Variants in RPS6KA5 observed in about 807,000 individuals in gnomAD.
The protein encoded by RPS6KA5 is ribosomal protein S6 kinase A5, also known as ribosomal protein S6 kinase alpha-5.
A neutral mutation model predicts 85.5 loss-of-function variants in RPS6KA5; 27 were observed. The observed-to-expected ratio is 0.32, with a 90% CI of 0.23 to 0.44. RPS6KA5 has a LOEUF of 0.44. Among genes scored for constraint, RPS6KA5 ranks in the 20% least tolerant of loss-of-function variants. The pLI is 1.00. For missense variants in RPS6KA5, 811 were observed against 980.9 expected (o/e 0.83, Z 2.31); for synonymous variants, 334 against 348.2 (o/e 0.96, Z 0.46).
intron 2 of RPS6KA5, among the ~76,000 whole-genome samples, chr14:90,987,966 A>C (rs1350986065): frequency 6.6e-6 from 1 of 152,192 alleles, no homozygotes; most frequent in Non-Finnish European, 1.5e-5. Context: ...GTGTGTGTAT[A>C]ACATATACAT....
intron 7 of RPS6KA5, among the ~76,000 whole-genome samples, chr14:90,907,786 C>T (rs8012622): frequency 9.9e-5 from 15 of 152,084 alleles, no homozygotes; most frequent in East Asian, 3.9e-4. Context: ...TCTGGATTTT[C>T]GGCATTAATA....
intron 1 of RPS6KA5, among the ~76,000 whole-genome samples, chr14:91,013,526 A>G (rs1352370500): frequency 6.7e-6 from 1 of 149,494 alleles, no homozygotes; most frequent in East Asian, 2.0e-4. Context: ...AACAGAGAAC[A>G]TGGCATATCT....
chr14:91,035,141 A>C (rs2042346870), intron 1 of RPS6KA5, among the ~76,000 whole-genome samples: 1 of 152,082 alleles, frequency 6.6e-6, no homozygotes, highest in Non-Finnish European at 1.5e-5. Flanking sequence ...TTAAAAGTAC[A>C]CAGAAACTTC....
At chr14:90,937,951 T>C (rs913929685) in intron 5 of RPS6KA5, among the ~76,000 whole-genome samples, 8 of 152,250 alleles carry the variant, frequency 5.3e-5, no homozygotes, top group African/African-American at 1.9e-4. Context: ...TGCCTTCCCA[T>C]CAGTCCCACA....
chr14:90,914,301 T>A (rs1210001717), intron 7 of RPS6KA5, among the ~76,000 whole-genome samples: 1 of 130,248 alleles, frequency 7.7e-6, no homozygotes, highest in Admixed American at 8.6e-5. Flanking sequence ...GGAAGAATGA[T>A]CCCTAGGGTT....
At chr14:91,034,541 G>C (rs148167394) in intron 1 of RPS6KA5, among the ~76,000 whole-genome samples, 1 of 152,012 alleles carries the variant, frequency 6.6e-6, no homozygotes, top group African/African-American at 2.4e-5. Context: ...GATTGTAAAC[G>C]CACCAATCAG....
intron 3 of RPS6KA5, among the ~76,000 whole-genome samples, chr14:90,976,136 T>C (rs1467944767): frequency 6.7e-6 from 1 of 149,510 alleles, no homozygotes; most frequent in African/African-American, 2.5e-5. Context: ...AAATTTAACA[T>C]GTTTTATAAA....
intron 7 of RPS6KA5, among the ~76,000 whole-genome samples, chr14:90,919,723 T>C (rs1009408188): frequency 6.6e-6 from 1 of 152,222 alleles, no homozygotes; most frequent in Non-Finnish European, 1.5e-5. Flanking sequence ...CTGTGATAGC[T>C]GCTCTGAAAG....
rs2031917562 is a variant in RPS6KA5, at chr14:90,850,106, GAAGGGATCTGTGGGCTTTCTAC to G, written c.*21946_*21967del. ...CTCTGGCACTTTTTTTCTAGTCTGG[GAAGGGATCTGTGGGCTTTCTAC>G]AAGGGAGCAAACAACCTCAATTCTT... On this transcript the variant is annotated 3_prime_UTR_variant, in exon 17 of 17. Coordinates refer to ENST00000614987, the MANE Select transcript of RPS6KA5 (RefSeq NM_004755.4). The G allele has an allele frequency of 6.6e-6, 1 of 152,212 alleles. No homozygotes were observed. The highest frequency in any genetic ancestry group is 1.5e-5 in the Non-Finnish European group (1 of 68,048). The allele number at this position is 152,212 out of a possible 1,614,324, so 9.4% of individuals were successfully genotyped here.
At position 90,863,311 on chromosome 14, in the gene RPS6KA5, A is replaced by C. The variant is rs930698496; in HGVS notation, c.*8763T>G. On this transcript the variant is annotated 3_prime_UTR_variant, in exon 17 of 17. Transcript: ENST00000614987. The stretch of plus-strand genomic sequence containing the variant: ...GAGCGAGACTCCGTCTCAAAAAAAA[A>C]AAAAAAAAAAAAAAAAAAAGAAAAG... 6.8e-6 allele frequency: 1 copy of C among 146,480 alleles called. No individual in the cohort carries two copies. The highest frequency in any genetic ancestry group is 2.5e-5 in the African/African-American group (1 of 40,628). 9.1% of individuals were successfully genotyped at this position (146,480 alleles called of 1,614,324 possible).
chr14:91,039,951 C>T (rs540559265), intron 1 of RPS6KA5, among the ~76,000 whole-genome samples: 58 of 152,204 alleles, frequency 3.8e-4, no homozygotes, highest in African/African-American at 1.4e-3. Context: ...ATGGTAATGG[C>T]AATGATGAGC....
chr14:90,967,536 G>A (rs2039129575), intron 3 of RPS6KA5, among the ~76,000 whole-genome samples: 2 of 152,112 alleles, frequency 1.3e-5, no homozygotes, highest in African/African-American at 4.8e-5. Flanking sequence ...CATACTCAAT[G>A]TGGTCATAAT....
chr14:91,025,169 C>T (rs150860521), intron 1 of RPS6KA5, among the ~76,000 whole-genome samples: 233 of 152,206 alleles, frequency 1.5e-3, no homozygotes, highest in African/African-American at 5.0e-3. Flanking sequence ...CTCAGCCCCC[C>T]GAGTAGCTGG....
chr14:91,060,403 GCGC>G lies in RPS6KA5; in HGVS notation c.29_31del (p.Gly10del). ...GCCGCCGTCCGCGCTGGTCCCCGCG[GCGC>G]CGCCGCTGCTGCCACCCTCCTCCTC... On this transcript the variant is annotated inframe_deletion, in exon 1 of 17. Transcript: ENST00000614987. 1 of 1,507,594 alleles carries G rather than the reference GCGC, an allele frequency of 6.6e-7. No individual in the cohort carries two copies. The highest frequency in any genetic ancestry group is 1.4e-5 in the African/African-American group (1 of 69,968). The allele number at this position is 1,507,594 out of a possible 1,614,324, so 93.4% of individuals were successfully genotyped here.
chr14:90,899,684 A>G (rs2035048418), intron 11 of RPS6KA5, among the ~76,000 whole-genome samples: 1 of 152,224 alleles, frequency 6.6e-6, no homozygotes, highest in African/African-American at 2.4e-5. Context: ...AATTTAGAGT[A>G]ATAAGAATAT....
At chr14:90,947,582 C>A (rs770494476) in intron 3 of RPS6KA5, 32 bp from the exon 4 acceptor site, 2 of 1,242,562 alleles carry the variant, frequency 1.6e-6, no homozygotes, top group Admixed American at 3.5e-5. Flanking sequence ...CTTTCTTAAA[C>A]ATGCATTCAT....
intron 2 of RPS6KA5, among the ~76,000 whole-genome samples, chr14:91,000,160 T>C (rs923938287): frequency 1.3e-5 from 2 of 152,222 alleles, no homozygotes; most frequent in East Asian, 3.8e-4. Flanking sequence ...CATATCCATA[T>C]ACACATGTAG....
intron 1 of RPS6KA5, among the ~76,000 whole-genome samples, chr14:91,044,263 GAGAGAGAGAGAAAGAA>G (rs1370540055): frequency 2.4e-4 from 3 of 12,634 alleles, no homozygotes; most frequent in Non-Finnish European, 6.0e-4. Context: ...GAGAGAGAGG[GAGAGAGAGAGAAAGAA>G]AGAGAGAGAG....
At position 91,014,346 on chromosome 14, in the gene RPS6KA5, A is replaced by G. The variant is rs373399481; in HGVS notation, c.104-13187T>C. On this transcript the variant is annotated intron_variant, in intron 1 of 16. Transcript: ENST00000614987. ...TGAAACCCTGGTCTCTATTTAAAAT[A>G]CAAAAATTAGCTGGGCATGGTGGCG... is the stretch of plus-strand genomic sequence containing the variant. 1.4e-4 allele frequency among the ~76,000 whole-genome samples: 21 copies of G among 152,140 alleles called. No individual in the cohort carries two copies. In the East Asian group the frequency reaches 2.5e-3, roughly 18 times the overall value.
Sources: gnomAD v4.1 joint callset for allele counts (sites outside exome capture counted in the v4.1 genomes callset) on GRCh38, gnomAD v4.1.1 for gene constraint, MANE v1.5 for transcripts, NCBI Gene and HGNC (gene_info 2026-07-23, HGNC 2026-07-21) for gene names.